The following SH3BGRL2 variants were observed in gnomAD, a reference collection of about 807,000 sequenced individuals.
SH3BGRL2 encodes the protein SH3 domain-binding glutamic acid-rich-like protein 2.
SH3BGRL2 carries 21 observed loss-of-function variants against 14.8 expected under a neutral mutation model. That is an observed-to-expected ratio of 1.42 (90% confidence interval 1.01 to 2.05). The LOEUF (loss-of-function observed/expected upper bound fraction) is 2.05. SH3BGRL2 is among the 30% of genes most tolerant of loss of function. SH3BGRL2 has a pLI of 0.00. For synonymous variants in SH3BGRL2, 50 were observed against 47.8 expected, an observed-to-expected ratio of 1.05 and a Z score of -0.19; for missense variants, 147 against 130.8, an observed-to-expected ratio of 1.12 and a Z score of -0.61.
chr6:79,651,437 G>GT lies in SH3BGRL2; in HGVS notation c.45+19932dup, dbSNP rs1323496989. ...AATCTTGACAGGAAATGTAAAAACA[G>GT]TAAAATCCAACCACCCTCATCTTTC... On this transcript the variant is annotated intron_variant, in intron 1 of 3. Transcript: ENST00000369838. 2.6e-5 allele frequency among the ~76,000 whole-genome samples: 4 copies of GT among 152,268 alleles called. No individual in the cohort carries two copies. In the East Asian group the frequency reaches 7.7e-4, roughly 29 times the overall value.
the SH3BGRL2 span, among the ~76,000 whole-genome samples, chr6:79,607,941 A>G: frequency 6.6e-6 from 1 of 152,098 alleles, no homozygotes; most frequent in Non-Finnish European, 1.5e-5. Flanking sequence ...GCGAGACTCC[A>G]TCTCAAAAAA....
chr6:79,576,636 T>C, the SH3BGRL2 span, among the ~76,000 whole-genome samples: 1 of 152,174 alleles, frequency 6.6e-6, no homozygotes, highest in Non-Finnish European at 1.5e-5. Context: ...TAAATCAACA[T>C]TATTGGGGTA....
intron 2 of SH3BGRL2, among the ~76,000 whole-genome samples, chr6:79,690,247 C>T (rs182548661): frequency 6.6e-6 from 1 of 152,142 alleles, no homozygotes; most frequent in African/African-American, 2.4e-5. Context: ...ACACCTCAGC[C>T]TCCCAAAGCT....
the SH3BGRL2 span, among the ~76,000 whole-genome samples, chr6:79,612,424 G>C: frequency 6.6e-6 from 1 of 152,162 alleles, no homozygotes; most frequent in Non-Finnish European, 1.5e-5. Context: ...CCCCATGATG[G>C]TTTTATTTTC....
At chr6:79,556,661 A>C in the SH3BGRL2 span, among the ~76,000 whole-genome samples, 1 of 151,978 alleles carries the variant, frequency 6.6e-6, no homozygotes, top group South Asian at 2.1e-4. Flanking sequence ...TTCCTCCTTA[A>C]AGATCTTCCT....
At chr6:79,659,252 T>C (rs899485132) in intron 1 of SH3BGRL2, among the ~76,000 whole-genome samples, 1 of 152,184 alleles carries the variant, frequency 6.6e-6, no homozygotes, top group Non-Finnish European at 1.5e-5. Context: ...GGTTTTCTTT[T>C]GGGTTTTTAT....
chr6:79,546,022 TAATC>T, the SH3BGRL2 span, among the ~76,000 whole-genome samples: 2 of 152,064 alleles, frequency 1.3e-5, no homozygotes, highest in Non-Finnish European at 2.9e-5. Flanking sequence ...AAAAAATACA[TAATC>T]AATAGTACAA....
At chr6:79,578,106 A>C in the SH3BGRL2 span, among the ~76,000 whole-genome samples, 1 of 152,358 alleles carries the variant, frequency 6.6e-6, no homozygotes, top group Non-Finnish European at 1.5e-5. Flanking sequence ...GTAGGTAAAC[A>C]AAGCAGCCGG....
chr6:79,660,084 A>G (rs908096878), intron 1 of SH3BGRL2, among the ~76,000 whole-genome samples: 5 of 152,322 alleles, frequency 3.3e-5, no homozygotes, highest in South Asian at 2.1e-4. Flanking sequence ...GCCGTCTGCA[A>G]ACAGGGATAA....
intron 1 of SH3BGRL2, among the ~76,000 whole-genome samples, chr6:79,648,717 A>T (rs778583338): frequency 6.6e-6 from 1 of 152,100 alleles, no homozygotes; most frequent in Non-Finnish European, 1.5e-5. Flanking sequence ...TATTGAATGA[A>T]TGCAAAAGAA....
intron 1 of SH3BGRL2, among the ~76,000 whole-genome samples, chr6:79,649,981 T>TCACACACACACA (rs750538104): frequency 2.2e-5 from 2 of 91,804 alleles, no homozygotes; most frequent in Non-Finnish European, 4.7e-5. Flanking sequence ...TCTCTCTCTC[T>TCACACACACACA]CTCTCACACA....
At chr6:79,657,248 T>G (rs984902896) in intron 1 of SH3BGRL2, among the ~76,000 whole-genome samples, 3 of 129,252 alleles carry the variant, frequency 2.3e-5, no homozygotes, top group African/African-American at 7.6e-5. Flanking sequence ...CTTGTCTGCT[T>G]TTAGATGGGA....
the SH3BGRL2 span, among the ~76,000 whole-genome samples, chr6:79,590,472 G>A: frequency 1.1e-5 from 1 of 87,116 alleles, no homozygotes; most frequent in Non-Finnish European, 2.2e-5. Flanking sequence ...TATGCGCCAT[G>A]GAATACAGCG....
intron 2 of SH3BGRL2, among the ~76,000 whole-genome samples, chr6:79,674,646 A>G (rs1421655042): frequency 6.6e-6 from 1 of 152,190 alleles, no homozygotes. Flanking sequence ...GAAAGGAATA[A>G]CAGCCTTTGG....
At chr6:79,656,041 T>A (rs1010580050) in intron 1 of SH3BGRL2, among the ~76,000 whole-genome samples, 4 of 152,206 alleles carry the variant, frequency 2.6e-5, no homozygotes, top group African/African-American at 9.6e-5. Flanking sequence ...AATGAGAAGG[T>A]ACTGAAAGGT....
chr6:79,538,022 T>TTTG, the SH3BGRL2 span, among the ~76,000 whole-genome samples: 10 of 64,450 alleles, frequency 1.6e-4, no homozygotes, highest in Admixed American at 3.8e-4. Flanking sequence ...ACACAAGTTT[T>TTTG]TTTTTTTTTT....
the SH3BGRL2 span, among the ~76,000 whole-genome samples, chr6:79,594,649 A>T: frequency 6.6e-6 from 1 of 152,108 alleles, no homozygotes; most frequent in Non-Finnish European, 1.5e-5. Context: ...GTGCTGGTAG[A>T]TGAGGCAGCA....
At chr6:79,595,773 G>T in the SH3BGRL2 span, among the ~76,000 whole-genome samples, 1 of 152,168 alleles carries the variant, frequency 6.6e-6, no homozygotes, top group Non-Finnish European at 1.5e-5. Context: ...AGAAAAGAAT[G>T]TTGGTTTTTG....
the SH3BGRL2 span, among the ~76,000 whole-genome samples, chr6:79,599,770 G>C: frequency 2.6e-5 from 4 of 152,208 alleles, no homozygotes; most frequent in Non-Finnish European, 5.9e-5. Context: ...TCTGCAAATA[G>C]AAATTGAGTG....
Sources: allele counts gnomAD v4.1 joint callset (sites outside exome capture counted in the v4.1 genomes callset), GRCh38; gene constraint gnomAD v4.1.1; transcripts MANE v1.5; gene names NCBI Gene and HGNC (gene_info 2026-07-23, HGNC 2026-07-21).